NSRP1: variants seen among roughly 807,000 people sequenced by gnomAD.
NSRP1 encodes the protein nuclear speckle splicing regulatory protein 1, also known as coiled-coil domain containing 55.
Under a neutral mutation model 54.7 loss-of-function variants are expected in NSRP1, and 24 were observed. The ratio of observed to expected loss-of-function variants is 0.44; its 90% CI spans 0.32 to 0.62. NSRP1 has a LOEUF of 0.62. NSRP1 is among the 20% of genes least tolerant of loss of function. NSRP1 has a pLI of 0.06. For synonymous variants in NSRP1, 210 were observed against 213.8 expected, an observed-to-expected ratio of 0.98 and a Z score of 0.15; for missense variants, 596 against 651.2, an observed-to-expected ratio of 0.92 and a Z score of 0.92.
intron 2 of NSRP1, among the ~76,000 whole-genome samples, chr17:30,120,381 C>G (rs78198804): frequency 0.022 from 3,312 of 152,234 alleles, 94 homozygotes; most frequent in African/African-American, 0.072. Context: ...AGAATATTTT[C>G]AAATGGAATA....
intron 2 of NSRP1, among the ~76,000 whole-genome samples, chr17:30,124,418 A>G (rs1001251327): frequency 3.9e-5 from 6 of 152,270 alleles, no homozygotes; most frequent in African/African-American, 1.4e-4. Flanking sequence ...TGGGTACACT[A>G]GAGTCAGCAA....
chr17:30,167,781 T>A (rs911489830), intron 2 of NSRP1, among the ~76,000 whole-genome samples: 4 of 152,238 alleles, frequency 2.6e-5, no homozygotes, highest in Non-Finnish European at 5.9e-5. Context: ...GGAGTAGATG[T>A]AGAAACAGTA....
At chr17:30,120,272 C>T (rs1054757541) in intron 2 of NSRP1, among the ~76,000 whole-genome samples, 1 of 152,072 alleles carries the variant, frequency 6.6e-6, no homozygotes, top group Non-Finnish European at 1.5e-5. Flanking sequence ...GTTTTTCTTC[C>T]ATTTTTCTGT....
intron 1 of NSRP1, chr17:30,117,485 A>G: frequency 2.4e-6 from 1 of 421,628 alleles, no homozygotes; most frequent in Non-Finnish European, 4.2e-6. Flanking sequence ...AAACTAAAGG[A>G]GTTGGATCTG....
Position 30,179,802 on chromosome 17 carries a change from C to T in NSRP1, c.508+505C>T, listed in dbSNP as rs574563844. Among the ~76,000 whole-genome samples, 8 of 152,198 alleles carry T rather than the reference C, an allele frequency of 5.3e-5. No homozygotes were observed. In the East Asian group the frequency reaches 1.5e-3, roughly 29 times the overall value. The stretch of plus-strand genomic sequence containing the variant: ...ATGCTTTACCTTAGTGCTTTCTACT[C>T]ATGATTATTTCTCAAGATCTAAGTA... On this transcript the variant is annotated intron_variant, in intron 5 of 6. Coordinates refer to ENST00000247026, the MANE Select transcript of NSRP1 (RefSeq NM_032141.4).
intron 2 of NSRP1, among the ~76,000 whole-genome samples, chr17:30,154,982 T>C (rs2071948112): frequency 6.6e-6 from 1 of 152,208 alleles, no homozygotes; most frequent in African/African-American, 2.4e-5. Flanking sequence ...TTTATGTGCT[T>C]AAAACATCTT....
intron 3 of NSRP1, among the ~76,000 whole-genome samples, chr17:30,174,527 A>G (rs1300099032): frequency 2.0e-5 from 3 of 152,246 alleles, no homozygotes; most frequent in African/African-American, 7.2e-5. Flanking sequence ...CCTCAAGTTT[A>G]CAGAACTGAT....
At chr17:30,166,841 G>T (rs940303254) in intron 2 of NSRP1, among the ~76,000 whole-genome samples, 2 of 151,944 alleles carry the variant, frequency 1.3e-5, no homozygotes, top group Non-Finnish European at 2.9e-5. Flanking sequence ...CAGGAGAATC[G>T]CTTGAACCCG....
At chr17:30,147,765 G>T (rs986364669) in intron 2 of NSRP1, among the ~76,000 whole-genome samples, 1 of 149,876 alleles carries the variant, frequency 6.7e-6, no homozygotes, top group African/African-American at 2.5e-5. Context: ...GCCCAGCCCC[G>T]GCCAGACTTT....
chr17:30,138,681 G>T (rs1041961264), intron 2 of NSRP1, among the ~76,000 whole-genome samples: 1 of 151,980 alleles, frequency 6.6e-6, no homozygotes, highest in African/African-American at 2.4e-5. Flanking sequence ...GTATACTTTG[G>T]GGGGTGGAGG....
intron 2 of NSRP1, among the ~76,000 whole-genome samples, chr17:30,134,109 G>C (rs142183669): frequency 6.6e-6 from 1 of 152,108 alleles, no homozygotes; most frequent in Non-Finnish European, 1.5e-5. Flanking sequence ...GTATTGTTGC[G>C]TCTCAAGGAA....
At chr17:30,146,220 T>C (rs552590455) in intron 2 of NSRP1, among the ~76,000 whole-genome samples, 16 of 152,306 alleles carry the variant, frequency 1.1e-4, no homozygotes, top group Non-Finnish European at 2.1e-4. Flanking sequence ...ACACTTCTTT[T>C]TCAAACTTGA....
chr17:30,152,775 G>A (rs976957948), intron 2 of NSRP1, among the ~76,000 whole-genome samples: 1 of 151,096 alleles, frequency 6.6e-6, no homozygotes, highest in African/African-American at 2.4e-5. Context: ...CTGTTCCTCA[G>A]TATCTGGTAA....
rs115852250 is a variant in NSRP1, at chr17:30,140,425, A to G, written c.114+22252A>G. On this transcript the variant is annotated intron_variant, in intron 2 of 6. Coordinates refer to ENST00000247026, the MANE Select transcript of NSRP1 (RefSeq NM_032141.4). ...TATTTGTGAACCTCTGTTTTAGGAC[A>G]GTTAACAGAAATTTTGTTAAAATGA... Among the ~76,000 whole-genome samples, 619 of 152,136 alleles carry G rather than the reference A, an allele frequency of 4.1e-3. 4 individuals carry two copies. Among genetic ancestry groups the G allele is most frequent in the African/African-American group, 0.014 (570 of 41,522 alleles).
intron 2 of NSRP1, among the ~76,000 whole-genome samples, chr17:30,134,165 T>G (rs750216054): frequency 6.6e-6 from 1 of 152,224 alleles, no homozygotes; most frequent in Non-Finnish European, 1.5e-5. Context: ...AAAACACCGG[T>G]TGGTGGAGCA....
At chr17:30,130,849 T>C (rs2071693158) in intron 2 of NSRP1, among the ~76,000 whole-genome samples, 1 of 152,230 alleles carries the variant, frequency 6.6e-6, no homozygotes, top group South Asian at 2.1e-4. Flanking sequence ...TGTGCTGGGT[T>C]ATCATTTTGG....
chr17:30,126,927 A>G (rs900675464), intron 2 of NSRP1, among the ~76,000 whole-genome samples: 1 of 152,200 alleles, frequency 6.6e-6, no homozygotes, highest in Non-Finnish European at 1.5e-5. Context: ...TTATTTATTC[A>G]GGTGTTTTAG....
chr17:30,146,129 G>T (rs1312170266), intron 2 of NSRP1, among the ~76,000 whole-genome samples: 2 of 152,132 alleles, frequency 1.3e-5, no homozygotes, highest in African/African-American at 4.8e-5. Flanking sequence ...GATTACATGT[G>T]TGAGCCACTG....
chr17:30,133,682 C>G (rs2071722871), intron 2 of NSRP1, among the ~76,000 whole-genome samples: 1 of 152,200 alleles, frequency 6.6e-6, no homozygotes, highest in Admixed American at 6.5e-5. Context: ...GCTGTTTTGT[C>G]TACATTGAGA....
Sources: allele counts gnomAD v4.1 joint callset (sites outside exome capture counted in the v4.1 genomes callset), GRCh38; gene constraint gnomAD v4.1.1; transcripts MANE v1.5; gene names NCBI Gene and HGNC (gene_info 2026-07-23, HGNC 2026-07-21).